The following CPD variants were observed in gnomAD, a reference collection of about 807,000 sequenced individuals.
The protein encoded by CPD is metallocarboxypeptidase D.
A neutral mutation model predicts 138.3 loss-of-function variants in CPD; 69 were observed. That is an observed-to-expected ratio of 0.50 (90% CI 0.41 to 0.61). The LOEUF (loss-of-function observed/expected upper bound fraction) is 0.61, where lower values mean the gene tolerates loss of function less well. CPD is among the 20% of genes least tolerant of loss of function. The pLI is 0.00. For missense variants in CPD, 1,432 were observed against 1,733.3 expected, an observed-to-expected ratio of 0.83 and a Z score of 3.09; for synonymous variants, 651 against 642.1, an observed-to-expected ratio of 1.01 and a Z score of -0.21.
chr17:30,415,115 A>G (rs956600848), intron 2 of CPD, among the ~76,000 whole-genome samples: 1 of 152,164 alleles, frequency 6.6e-6, no homozygotes, highest in Non-Finnish European at 1.5e-5. Flanking sequence ...AGTAAATGGC[A>G]CTACTATCTC....
chr17:30,462,013 T>A lies in CPD; in HGVS notation c.3767T>A (p.Val1256Asp). ...TTCCATGTACTCTTAGCGCCAGGTG[T>A]CCATAACATTATTGCCATCGCTGAT... ...GYFHVLLAPG[V>D]HNIIAIADGY... The change falls in exon 19 of 21, where the codon GTC becomes GAC. Residue 1256 changes from valine to aspartate, a missense_variant. Around this residue, in one of 6 missense-constraint regions of CPD, gnomAD observed 366 missense variants for 518.8 expected, o/e 0.71. Coordinates refer to ENST00000225719, the MANE Select transcript of CPD (RefSeq NM_001304.5). The A allele has an allele frequency of 3.7e-6, 6 of 1,613,822 alleles. No individual in the cohort carries two copies. Among genetic ancestry groups the A allele is most frequent in the Non-Finnish European group, 5.1e-6 (6 of 1,179,842 alleles).
At position 30,378,967 on chromosome 17, in the gene CPD, G is replaced by C; in HGVS notation, c.-14G>C. 4 of 1,496,486 alleles carry C rather than the reference G, an allele frequency of 2.7e-6. No individual in the cohort carries two copies. The highest frequency in any genetic ancestry group is 2.5e-5 in the South Asian group (2 of 78,594). 92.7% of individuals were successfully genotyped at this position (1,496,486 alleles called of 1,614,324 possible). On this transcript the variant is annotated 5_prime_UTR_variant, in exon 1 of 21. Transcript: ENST00000225719. ...CCGCGGGAGCGGAGCCGGGGTTAGC[G>C]GCGCTGCTGGAAGATGGCGAGCGGC...
At chr17:30,389,412 A>G (rs1228290292) in intron 2 of CPD, among the ~76,000 whole-genome samples, 3 of 152,190 alleles carry the variant, frequency 2.0e-5, no homozygotes, top group Non-Finnish European at 2.9e-5. Flanking sequence ...ACTTACTTTA[A>G]TGTGTAATTT....
chr17:30,394,222 A>G (rs935491992), intron 2 of CPD, among the ~76,000 whole-genome samples: 2 of 145,842 alleles, frequency 1.4e-5, no homozygotes, highest in African/African-American at 5.1e-5. Flanking sequence ...CAAGTCTAAT[A>G]CTTCTTAGCA....
intron 9 of CPD, 41 bp downstream of exon 9, chr17:30,439,118 C>G (rs1467372357): frequency 2.7e-6 from 3 of 1,105,144 alleles, no homozygotes; most frequent in Non-Finnish European, 4.0e-6. Context: ...ACTTGATGGC[C>G]TTTCTGCTTT....
chr17:30,417,994 C>T (rs1912159938), intron 2 of CPD, among the ~76,000 whole-genome samples: 1 of 152,046 alleles, frequency 6.6e-6, no homozygotes, highest in South Asian at 2.1e-4. Flanking sequence ...CAGCAGCCTC[C>T]ACCTTTACAA....
At chr17:30,454,438 C>T (rs557318205) in intron 14 of CPD, 5 of 152,368 alleles carry the variant, frequency 3.3e-5, no homozygotes, top group East Asian at 3.9e-4. Context: ...TCATTATCTC[C>T]GTCTGAGACC....
intron 1 of CPD, chr17:30,380,593 G>T: frequency 6.6e-7 from 1 of 1,507,748 alleles, no homozygotes; most frequent in Non-Finnish European, 8.8e-7. Context: ...GAAGAAGGAG[G>T]ACCTCAAGAA....
In CPD at chr17:30,420,439, T is replaced by C. The variant is rs181628641; in HGVS notation, c.995-402T>C. On this transcript the variant is annotated intron_variant, in intron 2 of 20. Coordinates refer to ENST00000225719, the MANE Select transcript of CPD (RefSeq NM_001304.5). ...ATTTCTTTGTGCCCTACTTTTCATA[T>C]CTGTAAAATGGATGAAATAGTAGTA... Among the ~76,000 whole-genome samples the C allele has an allele frequency of 1.6e-3, 248 of 152,336 alleles. 2 individuals are homozygous for C. Among genetic ancestry groups the C allele is most frequent in the Non-Finnish European group, 1.5e-3 (103 of 68,024 alleles).
chr17:30,393,151 C>A (rs1191832431), intron 2 of CPD, among the ~76,000 whole-genome samples: 1 of 152,156 alleles, frequency 6.6e-6, no homozygotes, highest in African/African-American at 2.4e-5. Context: ...ATAATGTAAC[C>A]AATTCAGTTT....
At chr17:30,432,988 A>G (rs777999718) in intron 8 of CPD, among the ~76,000 whole-genome samples, 1 of 152,174 alleles carries the variant, frequency 6.6e-6, no homozygotes, top group Non-Finnish European at 1.5e-5. Context: ...GTTAGTTTCA[A>G]TGTTTGGTGT....
chr17:30,385,504 GCACACACACA>G (rs34290313), intron 2 of CPD, among the ~76,000 whole-genome samples: 23 of 144,450 alleles, frequency 1.6e-4, no homozygotes, highest in African/African-American at 5.0e-4. Flanking sequence ...GTATGTGCAT[GCACACACACA>G]CACACACACA....
chr17:30,391,508 G>T (rs1198830146), intron 2 of CPD, among the ~76,000 whole-genome samples: 1 of 152,170 alleles, frequency 6.6e-6, no homozygotes, highest in Non-Finnish European at 1.5e-5. Context: ...ATAGTTTTAT[G>T]TAACTTTTAG....
chr17:30,443,739 C>A (rs908283914), intron 10 of CPD, 63 bp from the exon 11 acceptor site: 9 of 1,433,402 alleles, frequency 6.3e-6, no homozygotes, highest in Admixed American at 6.2e-5. Flanking sequence ...TGAATATGAC[C>A]TCCCAAGATA....
chr17:30,417,332 C>T (rs1426704357), intron 2 of CPD, among the ~76,000 whole-genome samples: 1 of 152,092 alleles, frequency 6.6e-6, no homozygotes, highest in Non-Finnish European at 1.5e-5. Flanking sequence ...ACTAGGTGCT[C>T]AATAAATATT....
rs542697118 is a variant in CPD at position 30,430,433 on chromosome 17, C to T, written c.2018-1339C>T. ...CTTCTTTCATTTAGCATAGTGTTTT[C>T]AAGGTTCACTCATGTTGTGGCATAT... On this transcript the variant is annotated intron_variant, in intron 7 of 20. Coordinates refer to ENST00000225719, the MANE Select transcript of CPD (RefSeq NM_001304.5). Among the ~76,000 whole-genome samples the T allele has an allele frequency of 2.0e-5, 3 of 152,246 alleles. No homozygotes were observed. In the South Asian group the frequency reaches 6.2e-4, roughly 32 times the overall value.
chr17:30,462,655 C>T (rs959529492), intron 20 of CPD, among the ~76,000 whole-genome samples, 186 bp downstream of exon 20: 7 of 152,158 alleles, frequency 4.6e-5, no homozygotes, highest in South Asian at 2.1e-4. Context: ...CTTTCTCTGC[C>T]GAGACCAGCT....
intron 11 of CPD, among the ~76,000 whole-genome samples, 175 bp from the exon 12 acceptor site, chr17:30,445,516 T>A (rs961767865): frequency 1.3e-5 from 2 of 152,194 alleles, no homozygotes; most frequent in African/African-American, 2.4e-5. Flanking sequence ...TACCCATGTC[T>A]ATTCTTTATT....
rs10491108 is a variant in CPD, at chr17:30,466,299, T to C, written c.*1485T>C. 12,635 of 152,638 alleles carry C rather than the reference T, an allele frequency of 0.083. 646 individuals carry two copies. Among genetic ancestry groups the C allele is most frequent in the African/African-American group, 0.14 (5,962 of 41,536 alleles). 9.5% of individuals were successfully genotyped at this position (152,638 alleles called of 1,614,324 possible). On this transcript the variant is annotated 3_prime_UTR_variant, in exon 21 of 21. Transcript: ENST00000225719. Reference sequence around the variant, plus strand: ...TCAAATTGTATTCTATATCCATTAATGTATCAGTTATCCCAAAGCCTTCAG... The same window carrying C: ...TCAAATTGTATTCTATATCCATTAACGTATCAGTTATCCCAAAGCCTTCAG...
Sources: gnomAD v4.1 joint callset for allele counts (sites outside exome capture counted in the v4.1 genomes callset) on GRCh38, gnomAD v4.1.1 for gene constraint, gnomAD v4.1.1 regional missense constraint, MANE v1.5 for transcripts, NCBI Gene and HGNC (gene_info 2026-07-23, HGNC 2026-07-21) for gene names.